LRRK2: variants seen among roughly 807,000 people sequenced by gnomAD.
LRRK2 encodes leucine-rich repeat serine/threonine-protein kinase 2.
In LRRK2, 203 loss-of-function variants were observed where a neutral mutation model predicts 302.6. The ratio of observed to expected loss-of-function variants is 0.67; its 90% confidence interval spans 0.60 to 0.75. The LOEUF is 0.75. Ranked by LOEUF, LRRK2 falls within the 30% of genes least tolerant of loss-of-function variation. The pLI is 0.00. For missense variants in LRRK2, 2,830 were observed against 2,951.0 expected (o/e 0.96, Z 0.95); for synonymous variants, 1,066 against 1,031.9 (o/e 1.03, Z -0.63).
chr12:40,283,152 C>T (rs942978324), intron 18 of LRRK2, among the ~76,000 whole-genome samples: 3 of 152,190 alleles, frequency 2.0e-5, no homozygotes, highest in African/African-American at 4.8e-5. Context: ...TCCTTGCTAG[C>T]GTCTAGCTCC....
rs983713654 is a variant in LRRK2, at chr12:40,277,995, C to T, written c.2049C>T (p.Ile683=). The stretch of plus-strand genomic sequence containing the variant: ...TATTCCATCAAATGTCTTCCAATAT[C>T]ATGGAACAAAAGGATCAACAGGTAC... ...LVIFHQMSSN[I]MEQKDQQFLN... The change falls in exon 17 of 51, where the codon ATC becomes ATT. Residue 683 remains isoleucine, a synonymous_variant. Transcript: ENST00000298910. 6.2e-7 allele frequency: 1 copy of T among 1,613,548 alleles called. No individual in the cohort carries two copies. Among genetic ancestry groups the T allele is most frequent in the Admixed American group, 1.7e-5 (1 of 59,990 alleles).
intron 33 of LRRK2, among the ~76,000 whole-genome samples, chr12:40,317,726 G>C (rs1466148771): frequency 1.3e-5 from 2 of 152,066 alleles, no homozygotes; most frequent in Non-Finnish European, 2.9e-5. Flanking sequence ...CTTGAATAAG[G>C]CATCAGTTAG....
At chr12:40,246,964 A>G (rs1050656013) in intron 7 of LRRK2, among the ~76,000 whole-genome samples, 1 of 152,188 alleles carries the variant, frequency 6.6e-6, no homozygotes, top group Non-Finnish European at 1.5e-5. Context: ...TGGTTGCTGA[A>G]TAATAAGGAA....
At chr12:40,250,566 G>A (rs1471816100) in intron 8 of LRRK2, among the ~76,000 whole-genome samples, 1 of 152,140 alleles carries the variant, frequency 6.6e-6, no homozygotes, top group Non-Finnish European at 1.5e-5. Context: ...ATAGGTAGAC[G>A]TGTGCCATGG....
At chr12:40,300,729 A>T (rs2136759484) in intron 25 of LRRK2, 1 of 463,866 alleles carries the variant, frequency 2.2e-6, no homozygotes, top group East Asian at 7.0e-5. Flanking sequence ...GGAACTTGTG[A>T]TTAAGTTCAG....
At chr12:40,244,878 T>C (rs1941906328) in intron 7 of LRRK2, among the ~76,000 whole-genome samples, 1 of 151,018 alleles carries the variant, frequency 6.6e-6, no homozygotes, top group South Asian at 2.1e-4. Flanking sequence ...AAACTTAAAG[T>C]ATAATAATAA....
At chr12:40,246,103 T>A (rs1047065407) in intron 7 of LRRK2, among the ~76,000 whole-genome samples, 53 of 152,048 alleles carry the variant, frequency 3.5e-4, no homozygotes, top group Non-Finnish European at 2.5e-4. Context: ...TTTAAACTTT[T>A]AAAAAAAATT....
rs994567072 is a variant in LRRK2, at chr12:40,268,868, A to G, written c.1656+4967A>G. Among the ~76,000 whole-genome samples, 3 of 152,172 alleles carry G rather than the reference A, an allele frequency of 2.0e-5. No homozygotes were observed. In the South Asian group the frequency reaches 6.2e-4, roughly 32 times the overall value. ...ATTTGTAATGTTATGATATTCCTCGACTGCGGGAGGAAAATAGATTACTCA... is the reference window on the plus strand; with the variant it reads ...ATTTGTAATGTTATGATATTCCTCGGCTGCGGGAGGAAAATAGATTACTCA... On this transcript the variant is annotated intron_variant, in intron 14 of 50. Transcript: ENST00000298910.
chr12:40,292,290 G>C lies in LRRK2; in HGVS notation c.2690-1255G>C, dbSNP rs183120021. The stretch of plus-strand genomic sequence containing the variant: ...CTATGCTGTCTGTTGCCCAGTGTCT[G>C]TATCCAGTCATTTAATATATTTATC... On this transcript the variant is annotated intron_variant, in intron 20 of 50. Transcript: ENST00000298910. Among the ~76,000 whole-genome samples, 311 of 152,034 alleles carry C rather than the reference G, an allele frequency of 2.0e-3. 1 individual carries two copies. The highest frequency in any genetic ancestry group is 7.2e-3 in the African/African-American group (297 of 41,516).
intron 49 of LRRK2, chr12:40,365,836 A>G (rs1207204921): frequency 6.6e-6 from 1 of 151,918 alleles, no homozygotes; most frequent in African/African-American, 2.4e-5. Flanking sequence ...TTTTTCATTT[A>G]TAGACTTTAG....
chr12:40,307,684 AAC>A (rs1365982628), intron 28 of LRRK2, among the ~76,000 whole-genome samples: 1 of 151,936 alleles, frequency 6.6e-6, no homozygotes, highest in African/African-American at 2.4e-5. Flanking sequence ...ATCAAGCTTT[AAC>A]AGTATACATA....
intron 39 of LRRK2, among the ~76,000 whole-genome samples, chr12:40,334,076 G>A (rs1945796059): frequency 6.6e-6 from 1 of 152,138 alleles, no homozygotes; most frequent in African/African-American, 2.4e-5. Context: ...TTAAAATTGA[G>A]CATTATCCTC....
intron 33 of LRRK2, among the ~76,000 whole-genome samples, chr12:40,319,418 A>G (rs1945330720): frequency 6.6e-6 from 1 of 151,992 alleles, no homozygotes; most frequent in Non-Finnish European, 1.5e-5. Context: ...TGTTAGAAAC[A>G]TCGGGGTTGC....
intron 27 of LRRK2, 69 bp from the exon 28 acceptor site, chr12:40,305,716 T>C: frequency 5.2e-6 from 7 of 1,353,044 alleles, no homozygotes; most frequent in Admixed American, 1.7e-5. Context: ...TTGTTTCTTA[T>C]CACGTTTTTT....
chr12:40,276,517 A>C (rs1249641044), intron 16 of LRRK2, among the ~76,000 whole-genome samples: 1 of 152,180 alleles, frequency 6.6e-6, no homozygotes, highest in Non-Finnish European at 1.5e-5. Flanking sequence ...GCTGGTCTCA[A>C]ACTCCTGACC....
Position 40,274,840 on chromosome 12 carries a change from T to C in LRRK2, c.1802-14T>C, listed in dbSNP as rs1943381072. 5 of 1,610,020 alleles carry C rather than the reference T, an allele frequency of 3.1e-6. No individual in the cohort carries two copies. In the East Asian group the frequency reaches 8.9e-5, roughly 29 times the overall value. On this transcript the variant is annotated splice_polypyrimidine_tract_variant and intron_variant, in intron 15 of 50. Coordinates refer to ENST00000298910, the MANE Select transcript of LRRK2 (RefSeq NM_198578.4). ...TTTGAGATTTAAAACAATTCTTTTTTTTTATTTTCCTAGAAATTCAGTGTC... is the reference window on the plus strand; with the variant it reads ...TTTGAGATTTAAAACAATTCTTTTTCTTTATTTTCCTAGAAATTCAGTGTC...
At chr12:40,300,545 A>G (rs1169913791) in intron 25 of LRRK2, among the ~76,000 whole-genome samples, 1 of 152,144 alleles carries the variant, frequency 6.6e-6, no homozygotes, top group African/African-American at 2.4e-5. Context: ...GCTTTCAGAA[A>G]CTAATAATGA....
In LRRK2 at chr12:40,304,082, AT is replaced by A. The variant is rs1274654101; in HGVS notation, c.3728del (p.Leu1243TyrfsTer5). Reference protein sequence around the residue: ...ISILDLSEKAYLWSRVEKLHL... With the variant: ...ISILDLSEKAXLWSRVEKLHL... ...ATCTTGGACTTGAGTGAAAAAGCAT[AT>A]TTATGGTCTAGAGTAGAGAAACTGC... On this transcript the variant is annotated frameshift_variant, in exon 27 of 51. Transcript: ENST00000298910. LOFTEE classifies it high-confidence loss of function. 6.2e-7 allele frequency: 1 copy of A among 1,613,712 alleles called. No homozygotes were observed. The highest frequency in any genetic ancestry group is 8.5e-7 in the Non-Finnish European group (1 of 1,179,732).
At chr12:40,299,980 T>C (rs1944562240) in intron 25 of LRRK2, among the ~76,000 whole-genome samples, 1 of 152,184 alleles carries the variant, frequency 6.6e-6, no homozygotes, top group South Asian at 2.1e-4. Context: ...GATAGTTACT[T>C]GGCCTACTGT....
Sources: allele counts gnomAD v4.1 joint callset (sites outside exome capture counted in the v4.1 genomes callset), GRCh38; gene constraint gnomAD v4.1.1; transcripts MANE v1.5; gene names NCBI Gene and HGNC (gene_info 2026-07-23, HGNC 2026-07-21).